Variants in DENND1A observed in about 807,000 individuals in gnomAD.
DENND1A encodes DENN domain-containing protein 1A.
DENND1A carries 51 observed loss-of-function variants against 113.7 expected under a neutral mutation model. The ratio of observed to expected loss-of-function variants is 0.45; its 90% CI spans 0.36 to 0.57. The LOEUF (loss-of-function observed/expected upper bound fraction) is 0.57. Among genes scored for constraint, DENND1A ranks in the 20% least tolerant of loss-of-function variants. The pLI is 0.00. For synonymous variants in DENND1A, 565 were observed against 570.8 expected, an observed-to-expected ratio of 0.99 and a Z score of 0.14; for missense variants, 1,258 against 1,395.9, an observed-to-expected ratio of 0.90 and a Z score of 1.57.
chr9:123,785,543 A>C (rs1043628335), intron 3 of DENND1A, among the ~76,000 whole-genome samples: 4 of 152,126 alleles, frequency 2.6e-5, no homozygotes, highest in Admixed American at 2.0e-4. Context: ...AAACTAGCTA[A>C]TTGTCAACAA....
At chr9:123,867,669 T>C (rs1245554186) in intron 2 of DENND1A, among the ~76,000 whole-genome samples, 1 of 152,162 alleles carries the variant, frequency 6.6e-6, no homozygotes, top group African/African-American at 2.4e-5. Flanking sequence ...GGAACCACCC[T>C]GCCCCATTCT....
chr9:123,802,261 C>T (rs1211560016), intron 2 of DENND1A, among the ~76,000 whole-genome samples: 1 of 152,154 alleles, frequency 6.6e-6, no homozygotes, highest in East Asian at 1.9e-4. Context: ...CCTCTCCGCC[C>T]ACTGGCCTGG....
intron 8 of DENND1A, among the ~76,000 whole-genome samples, chr9:123,654,867 G>A (rs2062850115): frequency 2.0e-5 from 3 of 152,176 alleles, no homozygotes; most frequent in African/African-American, 4.8e-5. Flanking sequence ...CTCAGCCGTG[G>A]GAGCACCTGT....
At chr9:123,506,479 G>C (rs2052945723) in intron 13 of DENND1A, among the ~76,000 whole-genome samples, 1 of 149,468 alleles carries the variant, frequency 6.7e-6, no homozygotes, top group Non-Finnish European at 1.5e-5. Flanking sequence ...CTACTTGGGA[G>C]GCTGAGGCAG....
At chr9:123,668,676 G>A (rs1209228439) in intron 7 of DENND1A, among the ~76,000 whole-genome samples, 1 of 152,094 alleles carries the variant, frequency 6.6e-6, no homozygotes, top group African/African-American at 2.4e-5. Flanking sequence ...AGCTAAAGGG[G>A]CTTGAACAAA....
intron 1 of DENND1A, among the ~76,000 whole-genome samples, chr9:123,890,208 T>C (rs1849695626): frequency 6.6e-6 from 1 of 152,136 alleles, no homozygotes; most frequent in Non-Finnish European, 1.5e-5. Context: ...GGTTTTAAGA[T>C]TCCAAAACCC....
chr9:123,507,526 AG>A (rs2053059980), intron 13 of DENND1A, among the ~76,000 whole-genome samples: 1 of 152,102 alleles, frequency 6.6e-6, no homozygotes, highest in Non-Finnish European at 1.5e-5. Context: ...CTCCCTCCCA[AG>A]TAGACTAAAG....
chr9:123,821,467 G>T (rs924731937), intron 2 of DENND1A, among the ~76,000 whole-genome samples: 4 of 152,236 alleles, frequency 2.6e-5, no homozygotes, highest in African/African-American at 9.6e-5. Flanking sequence ...ATGGCTAACA[G>T]AAACCAGTTG....
At chr9:123,607,562 G>C in intron 11 of DENND1A, among the ~76,000 whole-genome samples, 1 of 134,902 alleles carries the variant, frequency 7.4e-6, no homozygotes, top group South Asian at 2.6e-4. Flanking sequence ...GTGTGTGTGT[G>C]TGTGTGTGTG....
At position 123,508,042 on chromosome 9, in the gene DENND1A, G is replaced by C. The variant is rs187380472; in HGVS notation, c.993+49528C>G. ...TTCAGTATTCTTTTTCAAGCACATCGGCGATGGGTTAATGGTGACATTATC... is the reference window on the plus strand; with the variant it reads ...TTCAGTATTCTTTTTCAAGCACATCCGCGATGGGTTAATGGTGACATTATC... On this transcript the variant is annotated intron_variant, in intron 13 of 23. Transcript: ENST00000394215. Among the ~76,000 whole-genome samples the C allele has an allele frequency of 5.9e-5, 9 of 152,020 alleles. No individual in the cohort carries two copies. In the East Asian group the frequency reaches 1.7e-3, roughly 30 times the overall value.
intron 1 of DENND1A, among the ~76,000 whole-genome samples, chr9:123,928,199 G>C (rs1429490343): frequency 6.6e-6 from 1 of 152,180 alleles, no homozygotes. Flanking sequence ...TTGTCAACCT[G>C]CTACCTTGGA....
intron 13 of DENND1A, among the ~76,000 whole-genome samples, chr9:123,471,020 C>G (rs889998951): frequency 3.3e-5 from 5 of 152,146 alleles, no homozygotes; most frequent in African/African-American, 2.4e-5. Flanking sequence ...GATTCCTTTT[C>G]CTTGCCTAGG....
intron 5 of DENND1A, among the ~76,000 whole-genome samples, chr9:123,685,454 T>C (rs990492100): frequency 1.3e-5 from 2 of 152,240 alleles, no homozygotes; most frequent in African/African-American, 4.8e-5. Context: ...AGTAGAAATA[T>C]TAATTTGCAT....
At chr9:123,466,970 G>C (rs889905531) in intron 13 of DENND1A, among the ~76,000 whole-genome samples, 3 of 151,966 alleles carry the variant, frequency 2.0e-5, no homozygotes, top group East Asian at 1.9e-4. Context: ...AAGAAGTCTC[G>C]AGCCCAGGGC....
intron 18 of DENND1A, among the ~76,000 whole-genome samples, chr9:123,445,598 C>T (rs2047245288): frequency 6.6e-6 from 1 of 152,222 alleles, no homozygotes; most frequent in Admixed American, 6.5e-5. Flanking sequence ...GGGCCACATG[C>T]AGTGGCTCAT....
intron 20 of DENND1A, among the ~76,000 whole-genome samples, chr9:123,407,140 A>G (rs950270529): frequency 2.1e-4 from 29 of 136,702 alleles, no homozygotes; most frequent in Non-Finnish European, 3.6e-4. Context: ...TAGGGATGAT[A>G]AAACAGACAG....
chr9:123,745,822 A>G (rs1273468429), intron 5 of DENND1A, among the ~76,000 whole-genome samples: 3 of 152,238 alleles, frequency 2.0e-5, no homozygotes, highest in African/African-American at 7.2e-5. Flanking sequence ...AAAATTACAT[A>G]AACCAGCTGT....
chr9:123,476,917 G>A (rs1248453440), intron 13 of DENND1A, among the ~76,000 whole-genome samples: 1 of 152,170 alleles, frequency 6.6e-6, no homozygotes, highest in East Asian at 1.9e-4. Flanking sequence ...GCATAAGAGG[G>A]CGGTGGCTCT....
chr9:123,480,496 C>A (rs1227721290), intron 13 of DENND1A, among the ~76,000 whole-genome samples: 1 of 152,200 alleles, frequency 6.6e-6, no homozygotes, highest in Non-Finnish European at 1.5e-5. Flanking sequence ...TCACGGTATT[C>A]CCTCTGCTTA....
Sources: gnomAD v4.1 joint callset for allele counts (sites outside exome capture counted in the v4.1 genomes callset) on GRCh38, gnomAD v4.1.1 for gene constraint, MANE v1.5 for transcripts, NCBI Gene and HGNC (gene_info 2026-07-23, HGNC 2026-07-21) for gene names.